Variants in TGFBR2 observed in about 807,000 individuals in gnomAD.
The protein encoded by TGFBR2 is TGF-beta receptor type-2.
A neutral mutation model predicts 49.0 loss-of-function variants in TGFBR2; 18 were observed. The ratio of observed to expected loss-of-function variants is 0.37; its 90% CI spans 0.25 to 0.54. The LOEUF is 0.54. TGFBR2 is among the 20% of genes least tolerant of loss of function. The probability of loss-of-function intolerance (pLI) is 0.85; values close to 1 mark genes in which losing one functional copy is unlikely to be tolerated. For synonymous variants in TGFBR2, 282 were observed against 275.9 expected (o/e 1.02, Z -0.22); for missense variants, 525 against 722.6 (o/e 0.73, Z 3.13).
At position 30,672,513 on chromosome 3, in the gene TGFBR2, C is replaced by A; in HGVS notation, c.1254+76C>A. On this transcript the variant is annotated intron_variant, in intron 4 of 6. Transcript: ENST00000295754. The surrounding 1 kb of genome is among the most constrained non-coding windows in gnomAD (Gnocchi z 4.5). ...CTACCTCTTGATCCATATCTCCTGG[C>A]TCTTATCTCAAACAGCCCTGTACTC... 1 of 1,498,842 alleles carries A rather than the reference C, an allele frequency of 6.7e-7. No individual in the cohort carries two copies. Among genetic ancestry groups the A allele is most frequent in the South Asian group, 1.1e-5 (1 of 88,292 alleles). The allele number at this position is 1,498,842 out of a possible 1,614,324, so 92.8% of individuals were successfully genotyped here.
Position 30,606,914 on chromosome 3 carries a change from C to A in TGFBR2, c.31C>A (p.Pro11Thr), listed in dbSNP as rs1201208132. ...TCGGGGGCTGCTCAGGGGCCTGTGGCCGCTGCACATCGTCCTGTGGACGCG... is the reference window on the plus strand; with the variant it reads ...TCGGGGGCTGCTCAGGGGCCTGTGGACGCTGCACATCGTCCTGTGGACGCG... MGRGLLRGLW[P>T]LHIVLWTRIA... The change falls in exon 1 of 7, where the codon CCG becomes ACG. Residue 11 changes from proline (P) to threonine (T), a missense_variant. Physicochemically the swap from Pro to Thr is conservative, Grantham distance 38. Around this residue, in one of 3 missense-constraint regions of TGFBR2, gnomAD observed 376 missense variants for 478.2 expected, o/e 0.79. Transcript: ENST00000295754. The A allele has an allele frequency of 1.3e-6, 2 of 1,595,470 alleles. No homozygotes were observed. The highest frequency in any genetic ancestry group is 1.7e-6 in the Non-Finnish European group (2 of 1,170,702).
chr3:30,638,321 T>A (rs570559452), intron 1 of TGFBR2, among the ~76,000 whole-genome samples: 9 of 152,210 alleles, frequency 5.9e-5, no homozygotes, highest in Non-Finnish European at 1.3e-4. Flanking sequence ...ATTCACTTTG[T>A]CATCTCTGAA....
intron 1 of TGFBR2, among the ~76,000 whole-genome samples, chr3:30,630,573 C>G (rs1258979209): frequency 6.6e-6 from 1 of 152,186 alleles, no homozygotes; most frequent in Non-Finnish European, 1.5e-5. Flanking sequence ...TTTCCACAGC[C>G]CATTGACAAC....
chr3:30,690,614 G>T (rs1699693219), intron 6 of TGFBR2, among the ~76,000 whole-genome samples: 1 of 152,160 alleles, frequency 6.6e-6, no homozygotes, highest in Non-Finnish European at 1.5e-5. Flanking sequence ...TCTGACGGGG[G>T]TAATCAGCCC....
At chr3:30,668,715 A>T (rs573503673) in intron 3 of TGFBR2, among the ~76,000 whole-genome samples, 1 of 151,754 alleles carries the variant, frequency 6.6e-6, no homozygotes, top group South Asian at 2.1e-4. Flanking sequence ...CAATCACCAA[A>T]TTTTCTCACT....
At chr3:30,657,826 T>C (rs534279957) in intron 3 of TGFBR2, among the ~76,000 whole-genome samples, 1 of 152,324 alleles carries the variant, frequency 6.6e-6, no homozygotes, top group Non-Finnish European at 1.5e-5. Context: ...CAAAGTGGTA[T>C]GTTTACTGTA....
intron 3 of TGFBR2, among the ~76,000 whole-genome samples, chr3:30,659,829 A>C (rs557100567): frequency 6.6e-6 from 1 of 152,010 alleles, no homozygotes; most frequent in African/African-American, 2.4e-5. Context: ...GAGTAATGGC[A>C]AGAAGGGTCC....
intron 5 of TGFBR2, among the ~76,000 whole-genome samples, chr3:30,681,161 A>G (rs3773656): frequency 0.12 from 1,781 of 15,218 alleles, 35 homozygotes; most frequent in African/African-American, 0.28. Flanking sequence ...TTGTGAGATG[A>G]AAAAAAAAAA....
chr3:30,683,882 C>G (rs1361085361), intron 5 of TGFBR2, among the ~76,000 whole-genome samples: 1 of 152,154 alleles, frequency 6.6e-6, no homozygotes, highest in Admixed American at 6.5e-5. Context: ...AGGTCTCATC[C>G]TAGGAACGAC....
chr3:30,646,794 C>T (rs532580657), intron 2 of TGFBR2, among the ~76,000 whole-genome samples: 11 of 152,062 alleles, frequency 7.2e-5, no homozygotes, highest in South Asian at 6.2e-4. Context: ...GCTTTTGCAA[C>T]CCAAAAAGGC....
At chr3:30,680,890 C>A (rs938928971) in intron 5 of TGFBR2, among the ~76,000 whole-genome samples, 3 of 152,068 alleles carry the variant, frequency 2.0e-5, no homozygotes, top group Non-Finnish European at 4.4e-5. Context: ...GGTGTTCATA[C>A]AAGTGTTTGT....
chr3:30,645,089 C>T (rs754475278), intron 2 of TGFBR2, among the ~76,000 whole-genome samples, 174 bp downstream of exon 2: 1 of 152,006 alleles, frequency 6.6e-6, no homozygotes, highest in Non-Finnish European at 1.5e-5. Flanking sequence ...GGGGTGTTCT[C>T]TGCATGTATG....
At chr3:30,619,898 A>G (rs1235763435) in intron 1 of TGFBR2, among the ~76,000 whole-genome samples, 2 of 152,002 alleles carry the variant, frequency 1.3e-5, no homozygotes, top group Non-Finnish European at 1.5e-5. Context: ...GTTTTAAACT[A>G]TTTTACTAGC....
At chr3:30,640,625 A>G (rs72849371) in intron 1 of TGFBR2, among the ~76,000 whole-genome samples, 4,203 of 151,918 alleles carry the variant, frequency 0.028, 210 homozygotes, top group African/African-American at 0.096. Flanking sequence ...AAGTCTGTAC[A>G]TAATTCAGTA....
chr3:30,612,359 G>T (rs956957462), intron 1 of TGFBR2, among the ~76,000 whole-genome samples: 1 of 152,090 alleles, frequency 6.6e-6, no homozygotes, highest in Non-Finnish European at 1.5e-5. Context: ...CTTGCATGCT[G>T]CTAGGTTCTT....
chr3:30,649,585 C>T (rs1289993257), intron 2 of TGFBR2, among the ~76,000 whole-genome samples: 1 of 152,132 alleles, frequency 6.6e-6, no homozygotes, highest in Non-Finnish European at 1.5e-5. Context: ...CCCTGACATC[C>T]CTTTCCATTT....
Position 30,650,250 on chromosome 3 carries a change from A to G in TGFBR2, c.264-20A>G. 1 of 1,613,018 alleles carries G rather than the reference A, an allele frequency of 6.2e-7. No homozygotes were observed. The highest frequency in any genetic ancestry group is 1.3e-5 in the African/African-American group (1 of 74,966). ...TCTCTCTCCCTCTCCCCTCGCTTCCAATGAATCTCTTCACTCTAGGAGAAA... is the reference window on the plus strand; with the variant it reads ...TCTCTCTCCCTCTCCCCTCGCTTCCGATGAATCTCTTCACTCTAGGAGAAA... On this transcript the variant is annotated intron_variant, in intron 2 of 6. Coordinates refer to ENST00000295754, the MANE Select transcript of TGFBR2 (RefSeq NM_003242.6).
At chr3:30,625,895 T>C (rs764935902) in intron 1 of TGFBR2, among the ~76,000 whole-genome samples, 5 of 152,186 alleles carry the variant, frequency 3.3e-5, no homozygotes, top group Non-Finnish European at 7.3e-5. Flanking sequence ...GCCCCATCTC[T>C]AACTACTACA....
intron 1 of TGFBR2, among the ~76,000 whole-genome samples, chr3:30,634,755 C>T (rs1210450954): frequency 6.6e-6 from 1 of 152,164 alleles, no homozygotes; most frequent in Non-Finnish European, 1.5e-5. Flanking sequence ...CAAGTCCTGT[C>T]AACTGAGGGA....
Sources: gnomAD v4.1 joint callset for allele counts (sites outside exome capture counted in the v4.1 genomes callset) on GRCh38, gnomAD v4.1.1 for gene constraint, gnomAD v4.1.1 regional missense constraint, Gnocchi (gnomAD v3.1) non-coding constraint, MANE v1.5 for transcripts, NCBI Gene and HGNC (gene_info 2026-07-23, HGNC 2026-07-21) for gene names.